Variants in LHFPL2 observed in about 807,000 individuals in gnomAD.
The protein encoded by LHFPL2 is LHFPL tetraspan subfamily member 2.
Under a neutral mutation model 17.5 loss-of-function variants are expected in LHFPL2, and 7 were observed. The ratio of observed to expected loss-of-function variants is 0.40; its 90% CI spans 0.23 to 0.75. The LOEUF (loss-of-function observed/expected upper bound fraction) is 0.75, where lower values mean the gene tolerates loss of function less well. LHFPL2 is among the 30% of genes least tolerant of loss of function. The pLI is 0.37. For missense variants in LHFPL2, 241 were observed against 294.8 expected, an observed-to-expected ratio of 0.82 and a Z score of 1.34; for synonymous variants, 134 against 116.2, an observed-to-expected ratio of 1.15 and a Z score of -0.99.
chr5:78,637,394 G>A (rs534226951), intron 1 of LHFPL2, among the ~76,000 whole-genome samples: 2 of 151,886 alleles, frequency 1.3e-5, no homozygotes, highest in East Asian at 3.9e-4. Context: ...AGCTTGGGGG[G>A]AGGGGGGGAA....
At position 78,570,657 on chromosome 5, in the gene LHFPL2, T is replaced by C. The variant is rs192499600; in HGVS notation, c.-244-5786A>G. 5.7e-4 allele frequency among the ~76,000 whole-genome samples: 85 copies of C among 148,576 alleles called. No homozygotes were observed. The South Asian group carries it at 6.1e-3, about 11-fold the overall frequency. ...TAGTATATATATATATACGTATATA[T>C]ATATATACGTATGATCATTTTGCAA... On this transcript the variant is annotated intron_variant, in intron 2 of 4. Transcript: ENST00000380345.
At chr5:78,597,359 C>T (rs560503720) in intron 2 of LHFPL2, among the ~76,000 whole-genome samples, 1 of 152,252 alleles carries the variant, frequency 6.6e-6, no homozygotes, top group African/African-American at 2.4e-5. Context: ...GAGTTTTTTC[C>T]ACTTAGGAAA....
intron 3 of LHFPL2, among the ~76,000 whole-genome samples, chr5:78,561,428 T>C (rs1756723860): frequency 6.6e-6 from 1 of 152,186 alleles, no homozygotes; most frequent in South Asian, 2.1e-4. Flanking sequence ...TTCCCCTAGA[T>C]GGGAAGAGAC....
Position 78,498,302 on chromosome 5 carries a change from G to C in LHFPL2, c.431-9149C>G, listed in dbSNP as rs144617479. ...TTTTTCTGTTTCCAGTAGATGTTTA[G>C]AAGTCAGGCCATCTGTCTCAGTCAA... On this transcript the variant is annotated intron_variant, in intron 4 of 4. Transcript: ENST00000380345. Among the ~76,000 whole-genome samples, 429 of 152,298 alleles carry C rather than the reference G, an allele frequency of 2.8e-3. 3 individuals are homozygous for C. The highest frequency in any genetic ancestry group is 0.014 in the Middle Eastern group (4 of 294).
At chr5:78,545,177 T>C (rs1420139389) in intron 3 of LHFPL2, among the ~76,000 whole-genome samples, 4 of 152,238 alleles carry the variant, frequency 2.6e-5, no homozygotes, top group Non-Finnish European at 5.9e-5. Context: ...AGAGCGCTTC[T>C]TCACGTCCAG....
intron 2 of LHFPL2, among the ~76,000 whole-genome samples, chr5:78,577,763 C>T (rs907111897): frequency 4.6e-5 from 7 of 151,040 alleles, no homozygotes; most frequent in African/African-American, 1.7e-4. Context: ...ACTTTCTAAA[C>T]GAGAAAAAGA....
At position 78,527,480 on chromosome 5, in the gene LHFPL2, G is replaced by A. The variant is rs921991393; in HGVS notation, c.-185-17082C>T. Among the ~76,000 whole-genome samples the A allele has an allele frequency of 8.7e-5, 13 of 149,452 alleles. No individual in the cohort carries two copies. In the Admixed American group the frequency reaches 8.8e-4, roughly 10 times the overall value. ...TGCAGATTGCCCCCTGGGTGGTACA[G>A]TCAACAGCCACTGCTCAGAATGACT... is the stretch of plus-strand genomic sequence containing the variant. On this transcript the variant is annotated intron_variant, in intron 3 of 4. Transcript: ENST00000380345.
chr5:78,639,161 CCCA>C lies in LHFPL2; in HGVS notation c.-349-6796_-349-6794del, dbSNP rs199898746. ...GTGTACACACAAACTCTCACACCTT[CCCA>C]CCACCACCACCATTGGGGTTCTTAT... is the stretch of plus-strand genomic sequence containing the variant. On this transcript the variant is annotated intron_variant, in intron 1 of 4. Transcript: ENST00000380345. 7.8e-3 allele frequency among the ~76,000 whole-genome samples: 1,184 copies of C among 152,184 alleles called. 13 individuals carry two copies. Among genetic ancestry groups the C allele is most frequent in the African/African-American group, 0.027 (1,106 of 41,492 alleles).
intron 1 of LHFPL2, chr5:78,644,275 C>A: frequency 1.2e-6 from 1 of 846,452 alleles, no homozygotes; most frequent in Non-Finnish European, 2.0e-6. Context: ...ACTTATTCAT[C>A]ATCATCTTCA....
chr5:78,550,428 C>A (rs1756406831), intron 3 of LHFPL2, among the ~76,000 whole-genome samples: 1 of 152,176 alleles, frequency 6.6e-6, no homozygotes, highest in African/African-American at 2.4e-5. Flanking sequence ...AGAGCAGTCT[C>A]AATTCAGGGC....
intron 2 of LHFPL2, among the ~76,000 whole-genome samples, chr5:78,580,137 T>C (rs1743057339): frequency 6.6e-6 from 1 of 152,226 alleles, no homozygotes; most frequent in Non-Finnish European, 1.5e-5. Context: ...TTTGGCTGCA[T>C]AAATGTCTTC....
At chr5:78,527,697 A>C (rs1385873841) in intron 3 of LHFPL2, among the ~76,000 whole-genome samples, 3 of 152,174 alleles carry the variant, frequency 2.0e-5, no homozygotes. Flanking sequence ...AAAAAAAAAG[A>C]TTGTGAAATT....
At chr5:78,543,347 C>T (rs1386422891) in intron 3 of LHFPL2, among the ~76,000 whole-genome samples, 1 of 152,194 alleles carries the variant, frequency 6.6e-6, no homozygotes, top group South Asian at 2.1e-4. Flanking sequence ...TGTGTGTCCA[C>T]GTCCTTGATT....
chr5:78,522,023 C>T (rs554923469), intron 3 of LHFPL2, among the ~76,000 whole-genome samples: 45 of 152,332 alleles, frequency 3.0e-4, no homozygotes, highest in African/African-American at 1.1e-3. Flanking sequence ...GGTAAAGCTG[C>T]ATCAATTCTG....
chr5:78,644,289 T>G (rs1047976537), intron 1 of LHFPL2: 5 of 977,394 alleles, frequency 5.1e-6, no homozygotes, highest in Non-Finnish European at 7.9e-6. Flanking sequence ...ATCTTCATCT[T>G]CCTCCTCTTC....
intron 2 of LHFPL2, among the ~76,000 whole-genome samples, chr5:78,620,986 G>A (rs1744834337): frequency 1.5e-5 from 2 of 136,508 alleles, no homozygotes; most frequent in Admixed American, 7.3e-5. Flanking sequence ...TTTTTTTTTG[G>A]AGATGGAGTC....
intron 1 of LHFPL2, among the ~76,000 whole-genome samples, chr5:78,647,088 T>C (rs911813758): frequency 3.9e-5 from 6 of 152,242 alleles, no homozygotes; most frequent in Non-Finnish European, 8.8e-5. Flanking sequence ...TAGTGTTTTA[T>C]CTGATATTAC....
chr5:78,639,978 C>T (rs1277049803), intron 1 of LHFPL2, among the ~76,000 whole-genome samples: 1 of 152,174 alleles, frequency 6.6e-6, no homozygotes, highest in Admixed American at 6.5e-5. Flanking sequence ...GAAATTCAGT[C>T]CAATTGCAGC....
rs188571262 is a variant in LHFPL2, at chr5:78,556,473, T to C, written c.-186+8340A>G. Among the ~76,000 whole-genome samples the C allele has an allele frequency of 1.1e-3, 166 of 152,310 alleles. 1 individual carries two copies. The highest frequency in any genetic ancestry group is 0.01 in the Middle Eastern group (3 of 294). ...CAAAGACTTAAGAACTGATAACTCA[T>C]TCCTGATTAGGGGGACATACAATGG... On this transcript the variant is annotated intron_variant, in intron 3 of 4. Transcript: ENST00000380345.
Sources: allele counts gnomAD v4.1 joint callset (sites outside exome capture counted in the v4.1 genomes callset), GRCh38; gene constraint gnomAD v4.1.1; transcripts MANE v1.5; gene names NCBI Gene and HGNC (gene_info 2026-07-23, HGNC 2026-07-21).